TOX: variants seen among roughly 807,000 people sequenced by gnomAD.
TOX encodes thymocyte selection associated high mobility group box, also known as thymocyte selection-associated high mobility group box protein TOX.
TOX carries 11 observed loss-of-function variants against 53.7 expected under a neutral mutation model. That is an observed-to-expected ratio of 0.20 (90% CI 0.13 to 0.34). The LOEUF (loss-of-function observed/expected upper bound fraction) is 0.34. Ranked by LOEUF, TOX falls within the 10% of genes least tolerant of loss-of-function variation. The pLI is 1.00. For synonymous variants in TOX, 225 were observed against 245.3 expected, an observed-to-expected ratio of 0.92 and a Z score of 0.77; for missense variants, 570 against 664.6, an observed-to-expected ratio of 0.86 and a Z score of 1.56.
At chr8:58,882,847 A>G (rs1392939101) in intron 3 of TOX, among the ~76,000 whole-genome samples, 1 of 152,160 alleles carries the variant, frequency 6.6e-6, no homozygotes, top group Non-Finnish European at 1.5e-5. Flanking sequence ...ATCAACTCTA[A>G]GATTCTTCGA....
chr8:58,997,213 G>T (rs1813576204), intron 1 of TOX, among the ~76,000 whole-genome samples: 1 of 152,216 alleles, frequency 6.6e-6, no homozygotes, highest in South Asian at 2.1e-4. Context: ...GAGGAAAGGT[G>T]AGTATTCACA....
intron 3 of TOX, among the ~76,000 whole-genome samples, chr8:58,911,691 T>G (rs1811909870): frequency 6.6e-6 from 1 of 152,102 alleles, no homozygotes; most frequent in Non-Finnish European, 1.5e-5. Context: ...AAGACTCAAG[T>G]TCAAAACTTT....
At chr8:58,850,445 T>C (rs998227801) in intron 4 of TOX, among the ~76,000 whole-genome samples, 2 of 152,148 alleles carry the variant, frequency 1.3e-5, no homozygotes, top group African/African-American at 4.8e-5. Flanking sequence ...ACTGGATAGT[T>C]TGAATAACTT....
rs1485409265 is a variant in TOX at position 58,806,829 on chromosome 8, A to G, written c.*918T>C. 1 of 152,682 alleles carries G rather than the reference A, an allele frequency of 6.5e-6. No individual in the cohort carries two copies. Among genetic ancestry groups the G allele is most frequent in the South Asian group, 2.1e-4 (1 of 4,830 alleles). The allele number at this position is 152,682 out of a possible 1,614,324, so 9.5% of individuals were successfully genotyped here. A position where few individuals can be genotyped will look rare whatever the true frequency, so the allele number is the denominator to read the frequency against. ...TTATTATTTCATAAATAGGCGCAACAGGTTCCATAAAAAAAGATTAAATAC... is the reference window on the plus strand; with the variant it reads ...TTATTATTTCATAAATAGGCGCAACGGGTTCCATAAAAAAAGATTAAATAC... On this transcript the variant is annotated 3_prime_UTR_variant, in exon 9 of 9. Coordinates refer to ENST00000361421, the MANE Select transcript of TOX (RefSeq NM_014729.3).
At chr8:58,976,956 A>G (rs1397157933) in intron 1 of TOX, among the ~76,000 whole-genome samples, 1 of 152,230 alleles carries the variant, frequency 6.6e-6, no homozygotes, top group Non-Finnish European at 1.5e-5. Context: ...TAAAGGCTCT[A>G]GATTTTCAGA....
intron 1 of TOX, among the ~76,000 whole-genome samples, chr8:59,045,203 C>A (rs1342120472): frequency 6.6e-6 from 1 of 152,090 alleles, no homozygotes; most frequent in Non-Finnish European, 1.5e-5. Flanking sequence ...ATTTTTACGT[C>A]CTTCATTACC....
At chr8:58,837,261 C>A (rs1406624973) in intron 5 of TOX, among the ~76,000 whole-genome samples, 1 of 152,200 alleles carries the variant, frequency 6.6e-6, no homozygotes, top group East Asian at 1.9e-4. Context: ...TGCACCTACA[C>A]AGTTATTTCA....
rs192682025 is a variant in TOX, at chr8:59,083,024, C to T, written c.102+35862G>A. 3.6e-4 allele frequency among the ~76,000 whole-genome samples: 55 copies of T among 152,242 alleles called. 1 individual carries two copies. In the East Asian group the frequency reaches 5.8e-3, roughly 16 times the overall value. Reference sequence around the variant, plus strand: ...GAAGAGGCTGTGTCTGGATTTCTGTCGTGAGGGAGTGTGAGTAGGCACAGA... The same window carrying T: ...GAAGAGGCTGTGTCTGGATTTCTGTTGTGAGGGAGTGTGAGTAGGCACAGA... On this transcript the variant is annotated intron_variant, in intron 1 of 8. Coordinates refer to ENST00000361421, the MANE Select transcript of TOX (RefSeq NM_014729.3).
chr8:59,104,689 C>T (rs138966964), intron 1 of TOX, among the ~76,000 whole-genome samples: 13 of 152,194 alleles, frequency 8.5e-5, no homozygotes, highest in African/African-American at 3.1e-4. Context: ...GTATGTGTGG[C>T]TTTTATTTTG....
intron 1 of TOX, among the ~76,000 whole-genome samples, chr8:59,044,150 C>G (rs1274214470): frequency 6.8e-6 from 1 of 148,148 alleles, no homozygotes; most frequent in African/African-American, 2.5e-5. Context: ...GAAATTGTTT[C>G]TTGTTCAGAA....
At chr8:58,852,512 G>A (rs1287151228) in intron 3 of TOX, among the ~76,000 whole-genome samples, 1 of 152,286 alleles carries the variant, frequency 6.6e-6, no homozygotes, top group East Asian at 1.9e-4. Context: ...GCCTTAATGA[G>A]ACTCACTCTT....
intron 1 of TOX, among the ~76,000 whole-genome samples, chr8:58,982,873 T>C (rs1813229922): frequency 6.6e-6 from 1 of 152,224 alleles, no homozygotes; most frequent in African/African-American, 2.4e-5. Flanking sequence ...CAAAGCTTTC[T>C]GACATCTGCT....
At chr8:59,047,080 A>AAGCGCTCC (rs1803698294) in intron 1 of TOX, among the ~76,000 whole-genome samples, 1 of 152,042 alleles carries the variant, frequency 6.6e-6, no homozygotes, top group Non-Finnish European at 1.5e-5. Flanking sequence ...GAAAGGGAAG[A>AAGCGCTCC]AGCAAGCGCT....
chr8:58,967,567 G>A (rs1424802388), intron 1 of TOX, among the ~76,000 whole-genome samples: 2 of 152,052 alleles, frequency 1.3e-5, no homozygotes, highest in African/African-American at 2.4e-5. Flanking sequence ...AATTTATATA[G>A]ATAAGCTTTG....
chr8:58,951,469 G>A (rs1193317958), intron 2 of TOX, among the ~76,000 whole-genome samples: 1 of 152,018 alleles, frequency 6.6e-6, no homozygotes, highest in Admixed American at 6.6e-5. Context: ...ATTGAGGTCA[G>A]AGCACAAGAA....
chr8:59,119,109 T>G lies in TOX; in HGVS notation c.-122A>C. 2 of 576,836 alleles carry G rather than the reference T, an allele frequency of 3.5e-6. No individual in the cohort carries two copies. Among genetic ancestry groups the G allele is most frequent in the Non-Finnish European group, 3.0e-6 (1 of 329,656 alleles). The allele number at this position is 576,836 out of a possible 1,614,324, so 35.7% of individuals were successfully genotyped here. A position where few individuals can be genotyped will look rare whatever the true frequency, so the allele number is the denominator to read the frequency against. On this transcript the variant is annotated 5_prime_UTR_variant, in exon 1 of 9. Transcript: ENST00000361421. Reference sequence around the variant, plus strand: ...CTCAGGAGTAAAAGAAACACCTTCCTTCCCTCACATCCGTTTGTGGTTTGT... The same window carrying G: ...CTCAGGAGTAAAAGAAACACCTTCCGTCCCTCACATCCGTTTGTGGTTTGT...
At chr8:59,080,475 G>C (rs1804386929) in intron 1 of TOX, among the ~76,000 whole-genome samples, 1 of 152,114 alleles carries the variant, frequency 6.6e-6, no homozygotes, top group Non-Finnish European at 1.5e-5. Context: ...AAGACTTTTG[G>C]GGACGGTTAG....
At chr8:59,008,687 C>G (rs181825416) in intron 1 of TOX, among the ~76,000 whole-genome samples, 2 of 152,176 alleles carry the variant, frequency 1.3e-5, no homozygotes, top group African/African-American at 2.4e-5. Flanking sequence ...CACTTTTCCC[C>G]GAGAAGTCTC....
At chr8:58,965,902 T>G (rs1327802238) in intron 1 of TOX, among the ~76,000 whole-genome samples, 9 of 143,768 alleles carry the variant, frequency 6.3e-5, no homozygotes, top group Admixed American at 7.0e-5. Flanking sequence ...TCGTTTTTTT[T>G]TTTTTTTTTT....
Sources: allele counts gnomAD v4.1 joint callset (sites outside exome capture counted in the v4.1 genomes callset), GRCh38; gene constraint gnomAD v4.1.1; transcripts MANE v1.5; gene names NCBI Gene and HGNC (gene_info 2026-07-23, HGNC 2026-07-21).